TBC1D5: variants seen among roughly 807,000 people sequenced by gnomAD.
TBC1D5 encodes the protein TBC1 domain family, member 5.
TBC1D5 carries 75 observed loss-of-function variants against 100.3 expected under a neutral mutation model. The observed-to-expected ratio is 0.75, with a 90% CI of 0.62 to 0.91. TBC1D5 has a LOEUF of 0.91. Among genes scored for constraint, TBC1D5 ranks in the 40% least tolerant of loss-of-function variants. TBC1D5 has a pLI of 0.00. For synonymous variants in TBC1D5, 323 were observed against 325.6 expected, an observed-to-expected ratio of 0.99 and a Z score of 0.09; for missense variants, 910 against 942.4, an observed-to-expected ratio of 0.97 and a Z score of 0.45.
intron 2 of TBC1D5, among the ~76,000 whole-genome samples, chr3:17,525,692 A>T (rs2096125033): frequency 6.6e-6 from 1 of 151,834 alleles, no homozygotes. Flanking sequence ...GTCTTTCACG[A>T]TCTACCCACA....
chr3:17,519,242 C>G (rs1199574892), intron 2 of TBC1D5, among the ~76,000 whole-genome samples: 1 of 152,158 alleles, frequency 6.6e-6, no homozygotes, highest in African/African-American at 2.4e-5. Flanking sequence ...GCTTATAGAC[C>G]TTCTCAAGAT....
At chr3:17,532,095 G>C (rs539515469) in intron 2 of TBC1D5, among the ~76,000 whole-genome samples, 88 of 152,266 alleles carry the variant, frequency 5.8e-4, no homozygotes, top group African/African-American at 2.0e-3. Context: ...ATCTGACAGA[G>C]GGCTAATATC....
chr3:17,345,356 A>G (rs1224459050), intron 13 of TBC1D5, among the ~76,000 whole-genome samples: 1 of 152,232 alleles, frequency 6.6e-6, no homozygotes, highest in Non-Finnish European at 1.5e-5. Context: ...AATGCAAATT[A>G]AAACCACAAT....
chr3:17,362,866 A>G (rs929570811), intron 13 of TBC1D5, among the ~76,000 whole-genome samples: 6 of 152,212 alleles, frequency 3.9e-5, no homozygotes, highest in Admixed American at 2.6e-4. Context: ...AGTACCCAGC[A>G]GTTTTCCCCA....
intron 17 of TBC1D5, among the ~76,000 whole-genome samples, chr3:17,218,017 G>A (rs968653766): frequency 6.6e-6 from 1 of 151,916 alleles, no homozygotes; most frequent in Non-Finnish European, 1.5e-5. Context: ...CTTATTTTGA[G>A]TTAATTTTTG....
At chr3:17,361,438 A>G (rs1277164028) in intron 13 of TBC1D5, among the ~76,000 whole-genome samples, 1 of 152,136 alleles carries the variant, frequency 6.6e-6, no homozygotes, top group African/African-American at 2.4e-5. Context: ...TGACATTTAT[A>G]GAACATTCCA....
At chr3:17,607,917 GA>G (rs148003160) in intron 2 of TBC1D5, among the ~76,000 whole-genome samples, 6 of 149,964 alleles carry the variant, frequency 4.0e-5, no homozygotes, top group Admixed American at 6.6e-5. Flanking sequence ...TTTTTAAATT[GA>G]AAAAAAAACT....
intron 1 of TBC1D5, among the ~76,000 whole-genome samples, chr3:17,670,224 T>C (rs902733870): frequency 2.6e-5 from 4 of 152,162 alleles, no homozygotes; most frequent in Non-Finnish European, 5.9e-5. Flanking sequence ...GCTGAAAAAC[T>C]CAGTGAATAC....
At position 17,179,926 on chromosome 3, in the gene TBC1D5, C is replaced by T. The variant is rs567502004; in HGVS notation, c.1852+5183G>A. 3.4e-3 allele frequency among the ~76,000 whole-genome samples: 520 copies of T among 152,226 alleles called. 4 individuals are homozygous for T. The highest frequency in any genetic ancestry group is 0.011 in the African/African-American group (472 of 41,520). ...AGAAGGATGAGCAGCTCATGTATTC[C>T]CTGTAAACAGCTGGCAGCTCAGCCC... On this transcript the variant is annotated intron_variant, in intron 19 of 21. Coordinates refer to ENST00000253692, the Ensembl canonical transcript of TBC1D5.
intron 3 of TBC1D5, among the ~76,000 whole-genome samples, chr3:17,488,998 AC>A (rs1403149633): frequency 1.3e-5 from 2 of 150,190 alleles, no homozygotes; most frequent in African/African-American, 4.9e-5. Flanking sequence ...TCATTCCCAA[AC>A]CATCCCCCAC....
intron 13 of TBC1D5, among the ~76,000 whole-genome samples, chr3:17,312,160 G>T (rs1449396817): frequency 6.6e-6 from 1 of 151,952 alleles, no homozygotes; most frequent in Admixed American, 6.6e-5. Flanking sequence ...TCTTAAAATT[G>T]CAAGTAAACA....
At chr3:17,608,042 C>G (rs920888014) in intron 2 of TBC1D5, among the ~76,000 whole-genome samples, 2 of 152,050 alleles carry the variant, frequency 1.3e-5, no homozygotes, top group Non-Finnish European at 2.9e-5. Context: ...AAGCACTGCC[C>G]TTTAATCAGT....
Position 17,449,392 on chromosome 3 carries a change from A to G in TBC1D5, c.98-20873T>C, listed in dbSNP as rs748137194. 2.0e-5 allele frequency among the ~76,000 whole-genome samples: 3 copies of G among 151,984 alleles called. No homozygotes were observed. The South Asian group carries it at 6.3e-4, about 32-fold the overall frequency. On this transcript the variant is annotated intron_variant, in intron 3 of 21. Coordinates refer to ENST00000253692, the Ensembl canonical transcript of TBC1D5. ...GAATGCCAGAGAGAGAGAATTGTTC[A>G]CTCCCGTGGAATGGGTGCTGAAGCC...
intron 3 of TBC1D5, among the ~76,000 whole-genome samples, chr3:17,432,868 A>G (rs1383968619): frequency 1.3e-5 from 2 of 152,262 alleles, no homozygotes; most frequent in Non-Finnish European, 2.9e-5. Flanking sequence ...TGAAACTCCA[A>G]GTAGTACATG....
intron 13 of TBC1D5, among the ~76,000 whole-genome samples, chr3:17,346,185 G>T (rs923868766): frequency 2.6e-5 from 4 of 152,076 alleles, no homozygotes; most frequent in African/African-American, 9.7e-5. Context: ...CAATTGGATG[G>T]TAAAGTTTAT....
rs142915511 is a variant in TBC1D5 at position 17,580,960 on chromosome 3, T to C, written c.-36+42889A>G. Among the ~76,000 whole-genome samples the C allele has an allele frequency of 2.9e-3, 437 of 152,326 alleles. 3 individuals carry two copies. Among genetic ancestry groups the C allele is most frequent in the African/African-American group, 0.01 (421 of 41,562 alleles). On this transcript the variant is annotated intron_variant, in intron 2 of 21. Transcript: ENST00000253692. ...TACTGTACTGCATCAATGTTACATC[T>C]TGATATGGTTTGGCTGTGCCCCCAC...
intron 8 of TBC1D5, among the ~76,000 whole-genome samples, chr3:17,393,958 G>C (rs984516826): frequency 6.6e-6 from 1 of 152,098 alleles, no homozygotes; most frequent in Non-Finnish European, 1.5e-5. Flanking sequence ...GGCAACAAAA[G>C]CCAAAACTGA....
intron 2 of TBC1D5, among the ~76,000 whole-genome samples, chr3:17,582,759 A>T (rs1193098889): frequency 8.6e-5 from 13 of 151,872 alleles, no homozygotes; most frequent in Non-Finnish European, 8.8e-5. Context: ...AACTCTGATT[A>T]AAAAAACTAC....
At chr3:17,350,341 T>C (rs538356892) in intron 13 of TBC1D5, among the ~76,000 whole-genome samples, 67 of 152,300 alleles carry the variant, frequency 4.4e-4, no homozygotes, top group African/African-American at 1.6e-3. Flanking sequence ...ATAAAAGTGA[T>C]AGCCTTTCCC....
Sources: allele counts gnomAD v4.1 joint callset (sites outside exome capture counted in the v4.1 genomes callset), GRCh38; gene constraint gnomAD v4.1.1; transcripts MANE v1.5; gene names NCBI Gene and HGNC (gene_info 2026-07-23, HGNC 2026-07-21).